Variants in SLC35D4 observed in about 807,000 individuals in gnomAD.
The protein encoded by SLC35D4 is solute carrier family 35 member D4, also known as UDP-N-acetylglucosamine transporter SLC35D4.
At chr18:23,355,950 T>C in the SLC35D4 span, among the ~76,000 whole-genome samples, 3,757 of 152,262 alleles carry the variant, frequency 0.025, 51 homozygotes, top group Middle Eastern at 0.058. Flanking sequence ...TTCCACTTCT[T>C]GGCATGATGA....
the SLC35D4 span, among the ~76,000 whole-genome samples, chr18:23,352,608 A>AG: frequency 1.3e-5 from 2 of 152,068 alleles, no homozygotes; most frequent in Admixed American, 1.3e-4. Context: ...GAACTTCTGG[A>AG]GTTTTGGTGC....
At chr18:23,285,774 C>T in the SLC35D4 span, among the ~76,000 whole-genome samples, 299 of 152,254 alleles carry the variant, frequency 2.0e-3, 7 homozygotes, top group Non-Finnish European at 4.9e-4. Flanking sequence ...CTTTTATCAC[C>T]TCCCCTCCTC....
the SLC35D4 span, among the ~76,000 whole-genome samples, chr18:23,420,022 C>T: frequency 5.9e-5 from 9 of 151,884 alleles, no homozygotes; most frequent in East Asian, 1.4e-3. Flanking sequence ...ATAAGGGAAT[C>T]GCCGGGCACA....
At chr18:23,343,655 C>T in the SLC35D4 span, among the ~76,000 whole-genome samples, 1 of 152,164 alleles carries the variant, frequency 6.6e-6, no homozygotes, top group Non-Finnish European at 1.5e-5. Context: ...CAGATTATTT[C>T]ATTACCCAGG....
At chr18:23,395,681 G>T in the SLC35D4 span, among the ~76,000 whole-genome samples, 2 of 152,198 alleles carry the variant, frequency 1.3e-5, no homozygotes, top group African/African-American at 4.8e-5. Context: ...GGCCAGCACA[G>T]GCTGAGGCAG....
At chr18:23,324,543 G>C in the SLC35D4 span, among the ~76,000 whole-genome samples, 1 of 152,234 alleles carries the variant, frequency 6.6e-6, no homozygotes, top group East Asian at 1.9e-4. Flanking sequence ...ACCACAAAGG[G>C]CATTAGAGAG....
the SLC35D4 span, among the ~76,000 whole-genome samples, chr18:23,300,732 A>G: frequency 6.6e-6 from 1 of 152,248 alleles, no homozygotes; most frequent in Non-Finnish European, 1.5e-5. Flanking sequence ...CTGTTTGCAA[A>G]TCTTGTAATC....
chr18:23,405,402 C>T, the SLC35D4 span, among the ~76,000 whole-genome samples: 1 of 152,114 alleles, frequency 6.6e-6, no homozygotes, highest in Non-Finnish European at 1.5e-5. Flanking sequence ...GTTGGTCAGG[C>T]TGACCTCAAA....
the SLC35D4 span, chr18:23,430,701 T>C: frequency 3.1e-6 from 5 of 1,602,398 alleles, no homozygotes; most frequent in Non-Finnish European, 4.3e-6. Context: ...ACCAAATTAC[T>C]GGACATTTCA....
the SLC35D4 span, among the ~76,000 whole-genome samples, chr18:23,404,359 T>C: frequency 6.6e-6 from 1 of 152,174 alleles, no homozygotes; most frequent in Admixed American, 6.5e-5. Context: ...AGAGCCTTCA[T>C]GAATGGGATT....
the SLC35D4 span, among the ~76,000 whole-genome samples, chr18:23,287,578 C>G: frequency 6.6e-6 from 1 of 152,204 alleles, no homozygotes; most frequent in African/African-American, 2.4e-5. Flanking sequence ...AACTCCTTTC[C>G]TTCCTGGGCA....
the SLC35D4 span, among the ~76,000 whole-genome samples, chr18:23,390,904 A>T: frequency 6.6e-6 from 1 of 152,138 alleles, no homozygotes; most frequent in Non-Finnish European, 1.5e-5. Flanking sequence ...TGGCTGACTA[A>T]TTTTTACCAA....
the SLC35D4 span, among the ~76,000 whole-genome samples, chr18:23,436,469 G>A: frequency 1.3e-5 from 2 of 152,124 alleles, no homozygotes; most frequent in African/African-American, 2.4e-5. Context: ...CTGCATTTAT[G>A]GACCTTCAAA....
At chr18:23,414,719 T>G in the SLC35D4 span, among the ~76,000 whole-genome samples, 2 of 151,508 alleles carry the variant, frequency 1.3e-5, no homozygotes, top group African/African-American at 4.8e-5. Flanking sequence ...GGCACACACC[T>G]GTAGTCCCAG....
At chr18:23,323,063 G>C in the SLC35D4 span, among the ~76,000 whole-genome samples, 1 of 152,194 alleles carries the variant, frequency 6.6e-6, no homozygotes, top group Admixed American at 6.5e-5. Flanking sequence ...TGTGCTTGTG[G>C]AAAGGAAGGG....
At chr18:23,309,030 C>T in the SLC35D4 span, among the ~76,000 whole-genome samples, 5 of 152,012 alleles carry the variant, frequency 3.3e-5, no homozygotes, top group Non-Finnish European at 5.9e-5. Flanking sequence ...TTTAAATCAT[C>T]TCTAGATTAC....
chr18:23,298,454 A>C, the SLC35D4 span, among the ~76,000 whole-genome samples: 1 of 152,180 alleles, frequency 6.6e-6, no homozygotes, highest in African/African-American at 2.4e-5. Context: ...AGGAAATCAC[A>C]CAGGTATCCA....
the SLC35D4 span, among the ~76,000 whole-genome samples, chr18:23,284,613 G>A: frequency 1.3e-5 from 2 of 152,170 alleles, no homozygotes; most frequent in African/African-American, 2.4e-5. Context: ...TAACCCAACT[G>A]CCTTGGGATC....
the SLC35D4 span, among the ~76,000 whole-genome samples, chr18:23,278,763 T>G: frequency 1.3e-5 from 2 of 152,090 alleles, no homozygotes. Context: ...TCCAGCACTT[T>G]GGGAGGCCGA....
Sources: gnomAD v4.1 joint callset for allele counts (sites outside exome capture counted in the v4.1 genomes callset) on GRCh38, gnomAD v4.1.1 for gene constraint, MANE v1.5 for transcripts, NCBI Gene and HGNC (gene_info 2026-07-23, HGNC 2026-07-21) for gene names.